Variants in ARPP21 observed in about 807,000 individuals in gnomAD.
ARPP21 encodes the protein cAMP-regulated phosphoprotein 21.
A neutral mutation model predicts 113.2 loss-of-function variants in ARPP21; 69 were observed. The observed-to-expected ratio is 0.61, with a 90% CI of 0.50 to 0.74. ARPP21 has a LOEUF of 0.74. Ranked by LOEUF, ARPP21 falls within the 30% of genes least tolerant of loss-of-function variation. ARPP21 has a pLI of 0.00. For missense variants in ARPP21, 1,070 were observed against 1,037.4 expected, an observed-to-expected ratio of 1.03 and a Z score of -0.43; for synonymous variants, 368 against 375.5, an observed-to-expected ratio of 0.98 and a Z score of 0.23.
intron 1 of ARPP21, among the ~76,000 whole-genome samples, chr3:35,655,433 T>C (rs1363829147): frequency 1.3e-5 from 2 of 152,042 alleles, no homozygotes; most frequent in African/African-American, 4.8e-5. Flanking sequence ...AGAGAATCAA[T>C]GAAGAGTGGA....
intron 19 of ARPP21, among the ~76,000 whole-genome samples, chr3:35,784,608 T>C (rs1332668471): frequency 1.3e-5 from 2 of 152,176 alleles, no homozygotes; most frequent in African/African-American, 4.8e-5. Flanking sequence ...CTTGCCTTAG[T>C]TCCTGTCTTC....
chr3:35,690,057 T>C, intron 7 of ARPP21, 24 bp from the exon 8 acceptor site: 2 of 1,064,146 alleles, frequency 1.9e-6, no homozygotes, highest in South Asian at 1.3e-5. Flanking sequence ...ATAAAACCTT[T>C]TAAATTTAAC....
intron 1 of ARPP21, among the ~76,000 whole-genome samples, chr3:35,671,851 A>C (rs984997650): frequency 6.6e-6 from 1 of 152,048 alleles, no homozygotes; most frequent in African/African-American, 2.4e-5. Context: ...TGGCCAGTTT[A>C]ATTATGATAA....
intron 12 of ARPP21, 188 bp downstream of exon 12, chr3:35,715,664 A>T (rs1019404604): frequency 1.5e-5 from 6 of 413,390 alleles, no homozygotes; most frequent in South Asian, 6.0e-5. Context: ...TGGAAAAAAA[A>T]TTTTCTTTCA....
At chr3:35,667,894 A>AGAAGAG (rs2074934254) in intron 1 of ARPP21, among the ~76,000 whole-genome samples, 1 of 141,608 alleles carries the variant, frequency 7.1e-6, no homozygotes. Context: ...AAGAAGAGGA[A>AGAAGAG]GAGGAAGAGG....
intron 5 of ARPP21, chr3:35,685,523 C>T (rs1467008920): frequency 2.4e-5 from 24 of 984,886 alleles, no homozygotes; most frequent in Admixed American, 1.9e-4. Context: ...ACAAAATGTG[C>T]GGACTGAATC....
intron 1 of ARPP21, among the ~76,000 whole-genome samples, chr3:35,675,303 T>G (rs898390147): frequency 1.3e-5 from 2 of 151,862 alleles, no homozygotes; most frequent in African/African-American, 4.8e-5. Context: ...TTAAAAATCT[T>G]TGGACTGGTC....
intron 18 of ARPP21, among the ~76,000 whole-genome samples, chr3:35,741,669 T>G (rs1454872254): frequency 6.6e-6 from 1 of 152,226 alleles, no homozygotes; most frequent in African/African-American, 2.4e-5. Context: ...TCTTTTCTCT[T>G]CTAATCCACT....
At chr3:35,700,740 A>G (rs2086040449) in intron 9 of ARPP21, among the ~76,000 whole-genome samples, 1 of 151,864 alleles carries the variant, frequency 6.6e-6, no homozygotes, top group Non-Finnish European at 1.5e-5. Context: ...ATGATCAAAT[A>G]TATTGAACCA....
At chr3:35,648,141 A>G (rs773302097) in intron 1 of ARPP21, among the ~76,000 whole-genome samples, 4 of 152,178 alleles carry the variant, frequency 2.6e-5, no homozygotes, top group Non-Finnish European at 5.9e-5. Context: ...ATTGAAGGCC[A>G]AGCCAAGGTA....
At chr3:35,761,485 C>T (rs1048612902) in intron 19 of ARPP21, among the ~76,000 whole-genome samples, 1 of 152,068 alleles carries the variant, frequency 6.6e-6, no homozygotes, top group Non-Finnish European at 1.5e-5. Flanking sequence ...CCTCCTGCAC[C>T]ACCTCTGCCT....
chr3:35,730,459 G>T (rs2093881436), intron 15 of ARPP21, among the ~76,000 whole-genome samples: 1 of 152,274 alleles, frequency 6.6e-6, no homozygotes, highest in Admixed American at 6.5e-5. Context: ...ATCCCCCAAG[G>T]CCTAGGACAG....
intron 9 of ARPP21, among the ~76,000 whole-genome samples, chr3:35,703,217 C>T (rs2087180452): frequency 2.0e-5 from 3 of 151,708 alleles, no homozygotes; most frequent in Admixed American, 1.3e-4. Context: ...TAAAATACTT[C>T]AAGATAAGAA....
intron 14 of ARPP21, among the ~76,000 whole-genome samples, chr3:35,725,769 C>T (rs1000002310): frequency 6.6e-6 from 1 of 152,172 alleles, no homozygotes; most frequent in African/African-American, 2.4e-5. Context: ...CTCACCTAGC[C>T]ACTTGGATGT....
chr3:35,667,948 A>AG lies in ARPP21; in HGVS notation c.-212-11839_-212-11838insG, dbSNP rs1261971316. On this transcript the variant is annotated intron_variant, in intron 1 of 20. Transcript: ENST00000684406. ...GAGGAGGAGGAGAAGGAGAAGAAGA[A>AG]AAGAAGAAGAAGAAGAAGAAGAAGA... Among the ~76,000 whole-genome samples, 213 of 58,066 alleles carry AG rather than the reference A, an allele frequency of 3.7e-3. 9 individuals are homozygous for AG. The highest frequency in any genetic ancestry group is 0.013 in the African/African-American group (193 of 15,062). 38.1% of individuals were successfully genotyped at this position (58,066 alleles called of 152,430 possible).
chr3:35,683,661 C>A, intron 4 of ARPP21, 65 bp from the exon 5 acceptor site: 1 of 756,206 alleles, frequency 1.3e-6, no homozygotes, highest in South Asian at 1.5e-5. Context: ...ATTTGGCAGT[C>A]TGAGAATGCT....
At chr3:35,776,587 C>T (rs377432253) in intron 19 of ARPP21, among the ~76,000 whole-genome samples, 2 of 152,102 alleles carry the variant, frequency 1.3e-5, no homozygotes, top group Non-Finnish European at 2.9e-5. Flanking sequence ...AAAGACAGTT[C>T]TCCTTTGATG....
rs1268516198 is a variant in ARPP21 at position 35,681,859 on chromosome 3, AGAG to A, written c.112_114del (p.Glu38del). On this transcript the variant is annotated inframe_deletion, in exon 3 of 21. Coordinates refer to ENST00000684406, the MANE Select transcript of ARPP21 (RefSeq NM_001385562.1). ...TTGTTAAATCAGAAAGTCTGGATGA[AGAG>A]GAGAAACTGGAACTGCAGGTGAGTG... 6.2e-7 allele frequency: 1 copy of A among 1,611,904 alleles called. No homozygotes were observed. The highest frequency in any genetic ancestry group is 2.2e-5 in the East Asian group (1 of 44,774).
At position 35,793,694 on chromosome 3, in the gene ARPP21, T is replaced by A; in HGVS notation, c.2287-7T>A. The A allele has an allele frequency of 1.2e-6, 2 of 1,611,776 alleles. No homozygotes were observed. Among genetic ancestry groups the A allele is most frequent in the East Asian group, 4.5e-5 (2 of 44,860 alleles). ...CATACAGGGTTCTTGCTTGTGTCTT[T>A]TTACAGGTGCCAATGACCCAGGGTT... On this transcript the variant is annotated splice_polypyrimidine_tract_variant and splice_region_variant and intron_variant, in intron 20 of 20. Coordinates refer to ENST00000684406, the MANE Select transcript of ARPP21 (RefSeq NM_001385562.1).
Sources: allele counts gnomAD v4.1 joint callset (sites outside exome capture counted in the v4.1 genomes callset), GRCh38; gene constraint gnomAD v4.1.1; transcripts MANE v1.5; gene names NCBI Gene and HGNC (gene_info 2026-07-23, HGNC 2026-07-21).